Variants in MACROD2 observed in about 807,000 individuals in gnomAD.
MACROD2 encodes ADP-ribose glycohydrolase MACROD2.
MACROD2 carries 36 observed loss-of-function variants against 70.4 expected under a neutral mutation model. That is an observed-to-expected ratio of 0.51 (90% CI 0.39 to 0.68). The LOEUF is 0.68. Ranked by LOEUF, MACROD2 falls within the 30% of genes least tolerant of loss-of-function variation. The pLI, the probability that MACROD2 is intolerant of heterozygous loss-of-function variation, is 0.00. For synonymous variants in MACROD2, 172 were observed against 178.8 expected, an observed-to-expected ratio of 0.96 and a Z score of 0.30; for missense variants, 496 against 538.4, an observed-to-expected ratio of 0.92 and a Z score of 0.78.
intron 3 of MACROD2, among the ~76,000 whole-genome samples, chr20:14,216,793 G>A (rs2081626840): frequency 6.6e-6 from 1 of 151,740 alleles, no homozygotes; most frequent in Non-Finnish European, 1.5e-5. Context: ...TTGAGTTCTT[G>A]ACTTGATTAT....
chr20:15,509,083 G>A (rs2047465521), intron 8 of MACROD2, among the ~76,000 whole-genome samples: 1 of 152,126 alleles, frequency 6.6e-6, no homozygotes, highest in South Asian at 2.1e-4. Flanking sequence ...ACTCCTTTCA[G>A]AGAACCTGTG....
chr20:15,097,856 G>C (rs2075845469), intron 5 of MACROD2, among the ~76,000 whole-genome samples: 1 of 152,174 alleles, frequency 6.6e-6, no homozygotes, highest in South Asian at 2.1e-4. Context: ...TCTTGGGAAT[G>C]GGTATTTCAG....
At chr20:14,990,183 A>G (rs1420490977) in intron 5 of MACROD2, among the ~76,000 whole-genome samples, 1 of 151,800 alleles carries the variant, frequency 6.6e-6, no homozygotes, top group Non-Finnish European at 1.5e-5. Flanking sequence ...CATTTCCAAA[A>G]CCCCTATGTC....
intron 9 of MACROD2, among the ~76,000 whole-genome samples, chr20:15,876,031 T>C (rs558491184): frequency 6.7e-6 from 1 of 149,958 alleles, no homozygotes; most frequent in African/African-American, 2.5e-5. Flanking sequence ...AACTAAAATT[T>C]CTGCAAACTA....
chr20:15,357,798 C>CTTTTT (rs200860242), intron 6 of MACROD2, among the ~76,000 whole-genome samples: 16 of 135,714 alleles, frequency 1.2e-4, no homozygotes, highest in East Asian at 2.1e-4. Flanking sequence ...TTCATTCATT[C>CTTTTT]TTTTTTTTTT....
chr20:15,593,537 G>A (rs942020946), intron 8 of MACROD2, among the ~76,000 whole-genome samples: 7 of 152,114 alleles, frequency 4.6e-5, no homozygotes, highest in African/African-American at 9.7e-5. Context: ...AATAGTCCCC[G>A]TGTTAACCCT....
At chr20:15,683,857 GGT>G (rs2050192920) in intron 8 of MACROD2, among the ~76,000 whole-genome samples, 1 of 152,116 alleles carries the variant, frequency 6.6e-6, no homozygotes, top group African/African-American at 2.4e-5. Context: ...TGAGATTATA[GGT>G]GTGAGCCATC....
At chr20:15,531,138 C>T (rs1211058509) in intron 8 of MACROD2, among the ~76,000 whole-genome samples, 3 of 150,396 alleles carry the variant, frequency 2.0e-5, no homozygotes, top group Admixed American at 6.6e-5. Flanking sequence ...AAAATGAAAT[C>T]GATAAATGTA....
intron 5 of MACROD2, among the ~76,000 whole-genome samples, chr20:15,145,085 T>C (rs1207399555): frequency 6.6e-6 from 1 of 152,136 alleles, no homozygotes; most frequent in African/African-American, 2.4e-5. Flanking sequence ...TAAATGGTTA[T>C]CTTGGAGTCT....
intron 4 of MACROD2, among the ~76,000 whole-genome samples, chr20:14,534,862 G>C (rs573702094): frequency 3.0e-4 from 45 of 151,542 alleles, no homozygotes; most frequent in Non-Finnish European, 4.7e-4. Flanking sequence ...TAATTGATGG[G>C]GAGTAGGGGA....
At chr20:15,420,538 C>T (rs1012715575) in intron 6 of MACROD2, among the ~76,000 whole-genome samples, 1 of 152,020 alleles carries the variant, frequency 6.6e-6, no homozygotes, top group African/African-American at 2.4e-5. Flanking sequence ...ATAGTGTTTG[C>T]ACTTTTGAAT....
chr20:15,108,741 G>T (rs1411896951), intron 5 of MACROD2, among the ~76,000 whole-genome samples: 1 of 152,098 alleles, frequency 6.6e-6, no homozygotes, highest in Non-Finnish European at 1.5e-5. Flanking sequence ...AATGCTCTTG[G>T]TAAATCTCTT....
intron 8 of MACROD2, among the ~76,000 whole-genome samples, chr20:15,846,911 T>TTATATATATATATATATATATATATA (rs33993940): frequency 7.2e-6 from 1 of 138,104 alleles, no homozygotes; most frequent in Non-Finnish European, 1.5e-5. Flanking sequence ...AAAAAAAAAA[T>TTATATATATATATATATATATATATA]TATATATATA....
intron 5 of MACROD2, among the ~76,000 whole-genome samples, chr20:15,204,754 T>C (rs1007822486): frequency 6.6e-6 from 1 of 152,152 alleles, no homozygotes; most frequent in Non-Finnish European, 1.5e-5. Flanking sequence ...AAACATTTGT[T>C]AGGCTTTTTA....
chr20:14,852,496 G>A (rs1249287187), intron 5 of MACROD2, among the ~76,000 whole-genome samples: 1 of 152,074 alleles, frequency 6.6e-6, no homozygotes, highest in East Asian at 1.9e-4. Flanking sequence ...AGGAAAGAGG[G>A]AATAGTGGTA....
intron 3 of MACROD2, among the ~76,000 whole-genome samples, chr20:14,272,561 C>A (rs1434508839): frequency 6.7e-6 from 1 of 148,470 alleles, no homozygotes; most frequent in South Asian, 2.2e-4. Context: ...TAAAGACCAT[C>A]GAGACTAGGA....
chr20:15,845,295 C>T (rs955922393), intron 8 of MACROD2, among the ~76,000 whole-genome samples: 8 of 152,074 alleles, frequency 5.3e-5, no homozygotes, highest in African/African-American at 1.7e-4. Context: ...CTGAGGAATA[C>T]TCCCTAAAAA....
intron 7 of MACROD2, among the ~76,000 whole-genome samples, chr20:15,432,866 A>G (rs1428244409): frequency 6.6e-6 from 1 of 152,050 alleles, no homozygotes; most frequent in Admixed American, 6.6e-5. Flanking sequence ...GATGTAATAT[A>G]TATGGTATAC....
At chr20:16,002,900 G>C (rs1382924444) in intron 15 of MACROD2, among the ~76,000 whole-genome samples, 1 of 152,106 alleles carries the variant, frequency 6.6e-6, no homozygotes, top group African/African-American at 2.4e-5. Context: ...CTTTTGGGTG[G>C]TGATGAGGCA....
Sources: allele counts gnomAD v4.1 joint callset (sites outside exome capture counted in the v4.1 genomes callset), GRCh38; gene constraint gnomAD v4.1.1; transcripts MANE v1.5; gene names NCBI Gene and HGNC (gene_info 2026-07-23, HGNC 2026-07-21).